OTOGL: variants seen among roughly 807,000 people sequenced by gnomAD.
OTOGL encodes otogelin like.
A neutral mutation model predicts 318.5 loss-of-function variants in OTOGL; 285 were observed. That is an observed-to-expected ratio of 0.89 (90% CI 0.81 to 0.99). OTOGL has a LOEUF of 0.99. Ranked by LOEUF, OTOGL falls within the 50% of genes least tolerant of loss-of-function variation. The pLI is 0.00. For missense variants in OTOGL, 2,899 were observed against 2,845.6 expected (o/e 1.02, Z -0.43); for synonymous variants, 987 against 936.5 (o/e 1.05, Z -0.99).
At chr12:80,266,694 A>T in intron 21 of OTOGL, 78 bp downstream of exon 21, 1 of 1,357,498 alleles carries the variant, frequency 7.4e-7, no homozygotes, top group Non-Finnish European at 9.9e-7. Context: ...CTTTCATGGA[A>T]GTTTTTGAAA....
rs1223734447 is a variant in OTOGL at position 80,339,084 on chromosome 12, G to T, written c.4870G>T (p.Asp1624Tyr). 6.2e-7 allele frequency: 1 copy of T among 1,603,898 alleles called. No homozygotes were observed. Among genetic ancestry groups the T allele is most frequent in the Admixed American group, 1.7e-5 (1 of 59,262 alleles). Residue 1624 changes from aspartate to tyrosine, a missense_variant, in exon 43 of 59, where the codon GAT becomes TAT. Asp to Tyr is a radical substitution (Grantham distance 160). This residue lies in a region of OTOGL where 2,607 missense variants were observed against 2,524.9 expected (regional missense o/e 1.03). Coordinates refer to ENST00000547103, the MANE Select transcript of OTOGL (RefSeq NM_001378609.3). ...ATTTATGTTATTCTAGGTAGAAGTG[G>T]ATTCCATTGTTGTGCCTTTGCCCTT... ...VNRLARKVEV[D>Y]SIVVPLPFSS...
Position 80,336,097 on chromosome 12 carries a change from T to A in OTOGL, c.4557T>A (p.Val1519=). 6.3e-7 allele frequency: 1 copy of A among 1,598,784 alleles called. No individual in the cohort carries two copies. The part of the protein sequence containing the change: ...MPDCGFRGRP[V]QVNSDICCPE... Reference sequence around the variant, plus strand: ...ACTGTGGTTTCCGAGGAAGGCCAGTTCAAGTGAACAGTGATATCTGCTGCC... The same window carrying A: ...ACTGTGGTTTCCGAGGAAGGCCAGTACAAGTGAACAGTGATATCTGCTGCC... The change falls in exon 39 of 59, where the codon GTT becomes GTA. Residue 1519 remains valine (V), a synonymous_variant. Coordinates refer to ENST00000547103, the MANE Select transcript of OTOGL (RefSeq NM_001378609.3).
At chr12:80,160,046 G>A (rs770777917) in intron 1 of OTOGL, among the ~76,000 whole-genome samples, 2 of 152,076 alleles carry the variant, frequency 1.3e-5, no homozygotes, top group African/African-American at 2.4e-5. Context: ...CAAGTCACAT[G>A]TAAGAGAAAG....
chr12:80,295,561 A>T (rs2137702781), intron 26 of OTOGL, among the ~76,000 whole-genome samples: 1 of 152,296 alleles, frequency 6.6e-6, no homozygotes, highest in African/African-American at 2.4e-5. Flanking sequence ...AGATTCAGGA[A>T]GTGTGTGTGG....
intron 1 of OTOGL, among the ~76,000 whole-genome samples, chr12:80,164,791 T>C (rs906257195): frequency 6.6e-6 from 1 of 152,168 alleles, no homozygotes; most frequent in East Asian, 1.9e-4. Context: ...AGTGTACTAG[T>C]TCATTCTCAC....
At chr12:80,374,762 G>C (rs1170213264) in intron 57 of OTOGL, among the ~76,000 whole-genome samples, 1 of 151,976 alleles carries the variant, frequency 6.6e-6, no homozygotes, top group African/African-American at 2.4e-5. Context: ...TTAATTATTA[G>C]GGAAGTGAGT....
intron 1 of OTOGL, among the ~76,000 whole-genome samples, chr12:80,101,687 A>T (rs571204133): frequency 1.8e-4 from 27 of 152,218 alleles, no homozygotes; most frequent in African/African-American, 5.5e-4. Flanking sequence ...GTTTTTTTTA[A>T]AAAAATCCTC....
In OTOGL at chr12:80,307,431, G is replaced by C. The variant is rs865954540; in HGVS notation, c.3333+1736G>C. Among the ~76,000 whole-genome samples, 78 of 149,538 alleles carry C rather than the reference G, an allele frequency of 5.2e-4. 1 individual carries two copies. In the East Asian group the frequency reaches 0.015, roughly 28 times the overall value. ...TCCCGGACGGGGCGGCTGGCCAGAC[G>C]GGGGGCTGACCCCCCCCACCTCCCT... is the stretch of plus-strand genomic sequence containing the variant. On this transcript the variant is annotated intron_variant, in intron 29 of 58. Coordinates refer to ENST00000547103, the MANE Select transcript of OTOGL (RefSeq NM_001378609.3).
intron 26 of OTOGL, among the ~76,000 whole-genome samples, chr12:80,289,162 G>C (rs1178211867): frequency 6.6e-6 from 1 of 152,102 alleles, no homozygotes; most frequent in Non-Finnish European, 1.5e-5. Context: ...CTCTTCTGCA[G>C]GTCTGTTGGC....
At chr12:80,251,605 C>G in intron 11 of OTOGL, 88 bp from the exon 12 acceptor site, 1 of 951,026 alleles carries the variant, frequency 1.1e-6, no homozygotes, top group Non-Finnish European at 1.6e-6. Context: ...TCATCATGCA[C>G]TCAGCATTTC....
intron 30 of OTOGL, among the ~76,000 whole-genome samples, chr12:80,312,229 A>G (rs1168466583): frequency 6.6e-6 from 1 of 152,188 alleles, no homozygotes; most frequent in Non-Finnish European, 1.5e-5. Context: ...AATTTTCTTC[A>G]TCTATGTCAA....
chr12:80,294,244 A>G (rs1885235773), intron 26 of OTOGL, among the ~76,000 whole-genome samples: 1 of 152,014 alleles, frequency 6.6e-6, no homozygotes, highest in African/African-American at 2.4e-5. Flanking sequence ...GTTACAAATT[A>G]CTGTGAGCAT....
At chr12:80,262,138 A>G in intron 19 of OTOGL, 45 bp downstream of exon 19, 1 of 1,562,762 alleles carries the variant, frequency 6.4e-7, no homozygotes, top group Non-Finnish European at 8.7e-7. Flanking sequence ...AACTTAGGGA[A>G]AAGTTCTATG....
chr12:80,152,915 A>G (rs1369538810), intron 1 of OTOGL, among the ~76,000 whole-genome samples: 1 of 152,174 alleles, frequency 6.6e-6, no homozygotes, highest in Non-Finnish European at 1.5e-5. Context: ...GCAGGTGCCA[A>G]TTTCGTAACC....
At chr12:80,280,464 A>T (rs989015442) in intron 26 of OTOGL, among the ~76,000 whole-genome samples, 10 of 151,862 alleles carry the variant, frequency 6.6e-5, no homozygotes, top group Non-Finnish European at 1.2e-4. Flanking sequence ...TCTTTGGTTG[A>T]TTTTTGTATT....
At chr12:80,330,567 T>C (rs2137885362) in intron 37 of OTOGL, among the ~76,000 whole-genome samples, 2 of 152,328 alleles carry the variant, frequency 1.3e-5, no homozygotes, top group South Asian at 4.1e-4. Context: ...TTGAGTTCTC[T>C]TATATCCCCC....
At chr12:80,104,604 G>A (rs771422433) in intron 1 of OTOGL, among the ~76,000 whole-genome samples, 8 of 152,090 alleles carry the variant, frequency 5.3e-5, no homozygotes, top group Admixed American at 2.0e-4. Flanking sequence ...TTGGAGGGGT[G>A]AGAGCATGTC....
intron 10 of OTOGL, 71 bp from the exon 11 acceptor site, chr12:80,239,262 T>A: frequency 8.2e-7 from 1 of 1,217,262 alleles, no homozygotes; most frequent in South Asian, 1.5e-5. Context: ...CAAATAGATC[T>A]GTAAAAATAA....
intron 1 of OTOGL, among the ~76,000 whole-genome samples, chr12:80,114,644 A>G (rs1870050400): frequency 6.6e-6 from 1 of 151,874 alleles, no homozygotes; most frequent in African/African-American, 2.4e-5. Flanking sequence ...TATTTCCTGA[A>G]TTTGAGTGTT....
Sources: allele counts gnomAD v4.1 joint callset (sites outside exome capture counted in the v4.1 genomes callset), GRCh38; gene constraint gnomAD v4.1.1; regional missense constraint gnomAD v4.1.1; transcripts MANE v1.5; gene names NCBI Gene and HGNC (gene_info 2026-07-23, HGNC 2026-07-21).